The following PDE4B variants were observed in gnomAD, a reference collection of about 807,000 sequenced individuals.
PDE4B encodes the protein 3',5'-cyclic-AMP phosphodiesterase 4B.
Under a neutral mutation model 82.2 loss-of-function variants are expected in PDE4B, and 20 were observed. The observed-to-expected ratio is 0.24, with a 90% CI of 0.17 to 0.35. PDE4B has a LOEUF of 0.35. Ranked by LOEUF, PDE4B falls within the 10% of genes least tolerant of loss-of-function variation. The pLI is 1.00. For synonymous variants in PDE4B, 320 were observed against 318.9 expected, an observed-to-expected ratio of 1.00 and a Z score of -0.04; for missense variants, 655 against 907.2, an observed-to-expected ratio of 0.72 and a Z score of 3.57.
chr1:66,029,623 A>G (rs1054832043), intron 3 of PDE4B, among the ~76,000 whole-genome samples: 1 of 152,172 alleles, frequency 6.6e-6, no homozygotes, highest in African/African-American at 2.4e-5. Flanking sequence ...ATTTATATAT[A>G]GTATGTATGA....
At chr1:65,877,414 G>T (rs764341442) in intron 1 of PDE4B, among the ~76,000 whole-genome samples, 5 of 152,078 alleles carry the variant, frequency 3.3e-5, no homozygotes, top group Admixed American at 6.6e-5. Flanking sequence ...AGGAGATTGA[G>T]ACCATCCTGG....
intron 3 of PDE4B, among the ~76,000 whole-genome samples, chr1:66,036,134 A>C (rs1316986218): frequency 1.3e-5 from 2 of 152,168 alleles, no homozygotes; most frequent in African/African-American, 4.8e-5. Flanking sequence ...TTCTTTTGAG[A>C]AATGTTTATT....
chr1:65,819,340 T>C (rs558905528), intron 1 of PDE4B, among the ~76,000 whole-genome samples: 1 of 152,244 alleles, frequency 6.6e-6, no homozygotes, highest in South Asian at 2.1e-4. Context: ...CAGTATATGG[T>C]GATTGCATGA....
At chr1:66,067,617 A>T (rs1385103534) in intron 3 of PDE4B, among the ~76,000 whole-genome samples, 1 of 151,724 alleles carries the variant, frequency 6.6e-6, no homozygotes, top group Non-Finnish European at 1.5e-5. Context: ...GATTGCAAAA[A>T]TTTTCTCCCA....
chr1:66,249,217 T>C (rs1467747680), intron 4 of PDE4B, among the ~76,000 whole-genome samples: 2 of 152,238 alleles, frequency 1.3e-5, no homozygotes, highest in East Asian at 3.8e-4. Flanking sequence ...TGCAAAGATA[T>C]TGGGAATTCT....
At chr1:65,943,814 G>A (rs1478681554) in intron 3 of PDE4B, among the ~76,000 whole-genome samples, 1 of 151,870 alleles carries the variant, frequency 6.6e-6, no homozygotes, top group Non-Finnish European at 1.5e-5. Context: ...ATATAGAAAT[G>A]CTACTGATTT....
intron 3 of PDE4B, chr1:65,992,903 A>C (rs1164848491): frequency 6.2e-7 from 1 of 1,613,350 alleles, no homozygotes; most frequent in African/African-American, 1.3e-5. Flanking sequence ...ACTCCTTACA[A>C]GACATGACAG....
rs900903239 is a variant in PDE4B, at chr1:66,141,386, C to G, written c.282-106074C>G. ...TATATATGAAGAAACTTACTTTAAA[C>G]TAGGGCAGAAAGAATTGAGCAAAGT... On this transcript the variant is annotated intron_variant, in intron 3 of 16. Coordinates refer to ENST00000341517, the MANE Select transcript of PDE4B (RefSeq NM_002600.4). Among the ~76,000 whole-genome samples, 83 of 132,026 alleles carry G rather than the reference C, an allele frequency of 6.3e-4. 1 individual carries two copies. The highest frequency in any genetic ancestry group is 8.7e-4 in the Non-Finnish European group (56 of 64,420). 86.6% of individuals were successfully genotyped at this position (132,026 alleles called of 152,430 possible).
intron 8 of PDE4B, among the ~76,000 whole-genome samples, chr1:66,340,551 G>A (rs1038826087): frequency 6.6e-6 from 1 of 151,986 alleles, no homozygotes; most frequent in Admixed American, 6.6e-5. Context: ...GTATCTTCAT[G>A]GCTCAGTAAC....
rs36027532 is a variant in PDE4B, at chr1:66,146,173, C to CTTTTTT, written c.282-101264_282-101259dup. Among the ~76,000 whole-genome samples the CTTTTTT allele has an allele frequency of 6.9e-4, 34 of 49,244 alleles. 5 individuals carry two copies. In the Middle Eastern group the frequency reaches 0.083, roughly 121 times the overall value. 32.3% of individuals were successfully genotyped at this position (49,244 alleles called of 152,430 possible). Reference sequence around the variant, plus strand: ...AGAAGGCCATTGCCTGGGTAGCATGCTTTTTTTTTTTTTTTTTTTTTTTTT... The same window carrying CTTTTTT: ...AGAAGGCCATTGCCTGGGTAGCATGCTTTTTTTTTTTTTTTTTTTTTTTTTTTTTTT... On this transcript the variant is annotated intron_variant, in intron 3 of 16. Transcript: ENST00000341517.
chr1:66,026,586 A>G (rs1653446499), intron 3 of PDE4B, among the ~76,000 whole-genome samples: 1 of 152,226 alleles, frequency 6.6e-6, no homozygotes, highest in Non-Finnish European at 1.5e-5. Flanking sequence ...TGTTGTGAGA[A>G]TACCACAGGT....
In PDE4B at chr1:66,006,121, T is replaced by C. The variant is rs1188503241; in HGVS notation, c.281+87286T>C. Among the ~76,000 whole-genome samples the C allele has an allele frequency of 2.0e-5, 3 of 152,224 alleles. No homozygotes were observed. In the South Asian group the frequency reaches 6.2e-4, roughly 31 times the overall value. ...AGCTTTAAAATACATTAATGAATTT[T>C]GTATTTTATATGAACCCTAAAAATG... is the stretch of plus-strand genomic sequence containing the variant. On this transcript the variant is annotated intron_variant, in intron 3 of 16. Coordinates refer to ENST00000341517, the MANE Select transcript of PDE4B (RefSeq NM_002600.4).
chr1:66,129,695 AAC>A (rs1645900031), intron 3 of PDE4B, among the ~76,000 whole-genome samples: 1 of 73,406 alleles, frequency 1.4e-5, no homozygotes, highest in Non-Finnish European at 2.9e-5. Flanking sequence ...AAAACAAAAA[AAC>A]AAAAAAAAAA....
intron 1 of PDE4B, among the ~76,000 whole-genome samples, chr1:65,855,086 T>A (rs1426362318): frequency 1.3e-5 from 2 of 151,338 alleles, no homozygotes; most frequent in African/African-American, 4.8e-5. Context: ...ATGTGTAAAT[T>A]TTCCTTAATA....
At chr1:66,320,461 G>A (rs1249249385) in intron 7 of PDE4B, among the ~76,000 whole-genome samples, 3 of 152,188 alleles carry the variant, frequency 2.0e-5, no homozygotes, top group African/African-American at 7.2e-5. Context: ...CTGATTAGCT[G>A]TGGTAACACT....
intron 3 of PDE4B, among the ~76,000 whole-genome samples, chr1:65,935,948 AAACAACAAC>A (rs527864035): frequency 2.3e-4 from 35 of 152,048 alleles, no homozygotes; most frequent in African/African-American, 7.3e-4. Context: ...AAAAAAAACA[AAACAACAAC>A]AACAACAACA....
intron 3 of PDE4B, among the ~76,000 whole-genome samples, chr1:66,234,714 G>A (rs1652267173): frequency 6.6e-6 from 1 of 151,602 alleles, no homozygotes; most frequent in Admixed American, 6.6e-5. Context: ...AGTCTGACTA[G>A]AGGTTTGTCA....
intron 1 of PDE4B, among the ~76,000 whole-genome samples, chr1:65,795,934 T>C (rs918882710): frequency 3.9e-5 from 6 of 152,250 alleles, no homozygotes; most frequent in Admixed American, 6.5e-5. Context: ...CATTGGTCTT[T>C]TGAAATGTGG....
At chr1:65,821,476 C>T (rs1025081325) in intron 1 of PDE4B, among the ~76,000 whole-genome samples, 1 of 152,174 alleles carries the variant, frequency 6.6e-6, no homozygotes, top group Non-Finnish European at 1.5e-5. Context: ...TAGAAGCTGT[C>T]TCCTAAAGAA....
Sources: gnomAD v4.1 joint callset for allele counts (sites outside exome capture counted in the v4.1 genomes callset) on GRCh38, gnomAD v4.1.1 for gene constraint, MANE v1.5 for transcripts, NCBI Gene and HGNC (gene_info 2026-07-23, HGNC 2026-07-21) for gene names.